The following ANXA8 variants were observed in gnomAD, a reference collection of about 807,000 sequenced individuals.
ANXA8 encodes the protein VAC-beta.
In ANXA8, 9 loss-of-function variants were observed where a neutral mutation model predicts 26.8. That is an observed-to-expected ratio of 0.34 (90% CI 0.20 to 0.59). The LOEUF (loss-of-function observed/expected upper bound fraction) is 0.59, where lower values mean the gene tolerates loss of function less well. Ranked by LOEUF, ANXA8 falls within the 20% of genes least tolerant of loss-of-function variation. The probability of loss-of-function intolerance (pLI) is 0.84; values close to 1 mark genes in which losing one functional copy is unlikely to be tolerated. For synonymous variants in ANXA8, 39 were observed against 94.8 expected, an observed-to-expected ratio of 0.41 and a Z score of 3.42; for missense variants, 83 against 238.5, an observed-to-expected ratio of 0.35 and a Z score of 4.29.
At chr10:47,929,973 C>G in the ANXA8 span, among the ~76,000 whole-genome samples, 1 of 152,194 alleles carries the variant, frequency 6.6e-6, no homozygotes, top group Non-Finnish European at 1.5e-5. Flanking sequence ...TTCACAGTCA[C>G]AGTCTCCACC....
chr10:47,502,451 T>C, the ANXA8 span: 3 of 1,612,386 alleles, frequency 1.9e-6, no homozygotes, highest in Non-Finnish European at 2.5e-6. Flanking sequence ...TTCTCTTCCC[T>C]CGTGGACTTT....
At chr10:47,659,853 C>T in the ANXA8 span, among the ~76,000 whole-genome samples, 3 of 151,498 alleles carry the variant, frequency 2.0e-5, no homozygotes, top group African/African-American at 7.3e-5. Context: ...GCCTCCCAGG[C>T]TCAGGTGATT....
chr10:47,605,498 TAAAA>T, the ANXA8 span, among the ~76,000 whole-genome samples: 6 of 103,820 alleles, frequency 5.8e-5, no homozygotes, highest in African/African-American at 2.2e-4. Flanking sequence ...CAAAGAAAAA[TAAAA>T]ATAGAAGTTA....
chr10:47,524,054 G>A, the ANXA8 span, among the ~76,000 whole-genome samples: 1 of 152,080 alleles, frequency 6.6e-6, no homozygotes, highest in Admixed American at 6.5e-5. Context: ...GGCTTATGAT[G>A]CTGCTGCTCT....
chr10:47,554,110 A>AAAT, the ANXA8 span, among the ~76,000 whole-genome samples: 624 of 129,904 alleles, frequency 4.8e-3, 20 homozygotes, highest in African/African-American at 0.017. Context: ...CATCTCTCAA[A>AAAT]AAATAAATAA....
chr10:47,942,065 C>T, the ANXA8 span, among the ~76,000 whole-genome samples: 1 of 147,562 alleles, frequency 6.8e-6, no homozygotes, highest in African/African-American at 2.6e-5. Context: ...AGAGTAAGCA[C>T]CTCATTATTT....
chr10:47,587,479 A>G, the ANXA8 span, among the ~76,000 whole-genome samples: 1 of 146,272 alleles, frequency 6.8e-6, no homozygotes, highest in Non-Finnish European at 1.5e-5. Flanking sequence ...CTCATACTCC[A>G]GGCCCTTTCC....
the ANXA8 span, chr10:47,510,038 T>C: frequency 2.0e-6 from 3 of 1,481,424 alleles, no homozygotes; most frequent in Non-Finnish European, 2.7e-6. Context: ...AACTGATACT[T>C]AATATTCAGA....
chr10:47,948,230 T>C, the ANXA8 span, among the ~76,000 whole-genome samples: 105,435 of 124,390 alleles, frequency 0.85, 43,855 homozygotes, highest in African/African-American at 0.93. Context: ...TAACAATGTT[T>C]GGTGTCATAT....
the ANXA8 span, among the ~76,000 whole-genome samples, chr10:47,733,257 T>TTCTC: frequency 5.3e-4 from 57 of 107,826 alleles, no homozygotes; most frequent in Admixed American, 9.2e-4. Flanking sequence ...CTTTCTTTCT[T>TTCTC]TCTTTCTTTC....
chr10:47,957,846 GAGTACTCAAACTTATATCTAACAA>G, the ANXA8 span, among the ~76,000 whole-genome samples: 344 of 149,716 alleles, frequency 2.3e-3, 43 homozygotes, highest in East Asian at 0.066. Flanking sequence ...TACAAGGACT[GAGTACTCAAACTTATATCTAACAA>G]AGTACTGGTA....
At chr10:47,596,899 C>T in the ANXA8 span, among the ~76,000 whole-genome samples, 5 of 148,048 alleles carry the variant, frequency 3.4e-5, no homozygotes, top group Non-Finnish European at 4.4e-5. Flanking sequence ...TCTCCTCTAA[C>T]TTACTCTACA....
At chr10:47,959,800 A>T in the ANXA8 span, among the ~76,000 whole-genome samples, 1 of 150,376 alleles carries the variant, frequency 6.6e-6, no homozygotes, top group Non-Finnish European at 1.5e-5. Context: ...GAGCTCTATG[A>T]CTTCTCTGAC....
chr10:47,500,272 C>A, the ANXA8 span, among the ~76,000 whole-genome samples: 1 of 141,366 alleles, frequency 7.1e-6, no homozygotes, highest in Non-Finnish European at 1.5e-5. Flanking sequence ...CATTCTGTAG[C>A]TCTACATCAG....
the ANXA8 span, among the ~76,000 whole-genome samples, chr10:47,952,127 C>T: frequency 1.3e-5 from 2 of 150,892 alleles, no homozygotes; most frequent in African/African-American, 2.5e-5. Flanking sequence ...AATTCATCAA[C>T]CTGAAAAAAT....
the ANXA8 span, among the ~76,000 whole-genome samples, chr10:47,559,655 A>G: frequency 6.6e-6 from 1 of 151,900 alleles, no homozygotes; most frequent in Admixed American, 6.6e-5. Flanking sequence ...TCAGATTAAC[A>G]GTTTAGGTAG....
chr10:47,778,002 G>A, the ANXA8 span, among the ~76,000 whole-genome samples: 10 of 152,002 alleles, frequency 6.6e-5, no homozygotes, highest in Non-Finnish European at 1.2e-4. Flanking sequence ...AGTCAAAAAT[G>A]CAGACTTGTA....
chr10:47,904,571 C>T, the ANXA8 span, among the ~76,000 whole-genome samples: 1 of 64,578 alleles, frequency 1.5e-5, no homozygotes, highest in Non-Finnish European at 3.0e-5. Flanking sequence ...TAAGATTTTT[C>T]ATTTGCCAGT....
chr10:47,506,546 T>G, the ANXA8 span, among the ~76,000 whole-genome samples: 1 of 141,676 alleles, frequency 7.1e-6, no homozygotes, highest in East Asian at 2.9e-4. Context: ...GTCGGGCTGG[T>G]CTCAAACTCC....
Sources: allele counts gnomAD v4.1 joint callset (sites outside exome capture counted in the v4.1 genomes callset), GRCh38; gene constraint gnomAD v4.1.1; transcripts MANE v1.5; gene names NCBI Gene and HGNC (gene_info 2026-07-23, HGNC 2026-07-21).